Variants in SLIT3 observed in about 807,000 individuals in gnomAD.
The protein encoded by SLIT3 is slit homolog 3 protein.
A neutral mutation model predicts 184.0 loss-of-function variants in SLIT3; 68 were observed. The ratio of observed to expected loss-of-function variants is 0.37; its 90% CI spans 0.30 to 0.45. The LOEUF (loss-of-function observed/expected upper bound fraction) is 0.45, where lower values mean the gene tolerates loss of function less well. Ranked by LOEUF, SLIT3 falls within the 20% of genes least tolerant of loss-of-function variation. SLIT3 has a pLI of 1.00. For missense variants in SLIT3, 1,707 were observed against 2,026.0 expected (o/e 0.84, Z 3.02); for synonymous variants, 831 against 828.6 (o/e 1.00, Z -0.05).
chr5:169,122,153 C>T (rs1044880608), intron 4 of SLIT3, among the ~76,000 whole-genome samples: 4 of 152,134 alleles, frequency 2.6e-5, no homozygotes, highest in Admixed American at 6.5e-5. Flanking sequence ...TTAGGTGTCT[C>T]CAGAAAGAGG....
At chr5:169,175,253 C>T (rs985778999) in intron 4 of SLIT3, among the ~76,000 whole-genome samples, 2 of 152,192 alleles carry the variant, frequency 1.3e-5, no homozygotes, top group Non-Finnish European at 2.9e-5. Context: ...CTGGCTGTTG[C>T]TATATCCATT....
At chr5:168,671,517 A>C (rs769955024) in intron 33 of SLIT3, 34 bp from the exon 34 acceptor site, 12 of 1,577,542 alleles carry the variant, frequency 7.6e-6, no homozygotes, top group Middle Eastern at 1.8e-4. Context: ...TGGCCTGAAG[A>C]CCCTCCCCTG....
intron 6 of SLIT3, among the ~76,000 whole-genome samples, chr5:168,836,617 C>G (rs988270821): frequency 6.6e-6 from 1 of 152,148 alleles, no homozygotes; most frequent in African/African-American, 2.4e-5. Flanking sequence ...GCTCCCAAAC[C>G]AAGTTTGTCA....
At chr5:168,800,675 G>A (rs1307466587) in intron 9 of SLIT3, among the ~76,000 whole-genome samples, 1 of 152,230 alleles carries the variant, frequency 6.6e-6, no homozygotes, top group East Asian at 1.9e-4. Flanking sequence ...GATGAGGAAT[G>A]TAGGCATATC....
intron 14 of SLIT3, chr5:168,768,286 G>T: frequency 2.1e-6 from 1 of 481,996 alleles, no homozygotes; most frequent in South Asian, 1.5e-5. Context: ...GCGTCAGAGA[G>T]AGGACAGGAG....
At chr5:169,177,943 C>T (rs1230702433) in intron 4 of SLIT3, among the ~76,000 whole-genome samples, 1 of 152,156 alleles carries the variant, frequency 6.6e-6, no homozygotes, top group Non-Finnish European at 1.5e-5. Flanking sequence ...TCTGTTGGTT[C>T]TTTCCTTGGA....
chr5:169,243,782 G>A (rs1765483966), intron 3 of SLIT3, among the ~76,000 whole-genome samples: 1 of 152,200 alleles, frequency 6.6e-6, no homozygotes, highest in South Asian at 2.1e-4. Flanking sequence ...GCAGAGCCGT[G>A]AGCTGTTGCA....
At position 169,077,138 on chromosome 5, in the gene SLIT3, G is replaced by A. The variant is rs1758775942; in HGVS notation, c.413+116341C>T. Among the ~76,000 whole-genome samples, 5 of 152,160 alleles carry A rather than the reference G, an allele frequency of 3.3e-5. No individual in the cohort carries two copies. In the South Asian group the frequency reaches 1.0e-3, roughly 32 times the overall value. ...GCCTACTCCATGTGAGGAGGACAAGGATGAAGACCTTTATGGTGATCCATT... is the reference window on the plus strand; with the variant it reads ...GCCTACTCCATGTGAGGAGGACAAGAATGAAGACCTTTATGGTGATCCATT... On this transcript the variant is annotated intron_variant, in intron 4 of 35. Transcript: ENST00000519560.
At chr5:169,037,378 A>T (rs747677027) in intron 4 of SLIT3, among the ~76,000 whole-genome samples, 5 of 152,212 alleles carry the variant, frequency 3.3e-5, no homozygotes, top group South Asian at 2.1e-4. Flanking sequence ...TACCCTAAGC[A>T]GCACAGGCTC....
intron 3 of SLIT3, among the ~76,000 whole-genome samples, chr5:169,229,483 T>C (rs138178085): frequency 9.0e-4 from 137 of 152,328 alleles, no homozygotes; most frequent in Non-Finnish European, 1.5e-3. Context: ...GACTATTAAG[T>C]TCATTTTTCA....
At chr5:169,244,201 C>T (rs1052166873) in intron 3 of SLIT3, among the ~76,000 whole-genome samples, 83 of 152,232 alleles carry the variant, frequency 5.5e-4, no homozygotes, top group Non-Finnish European at 3.4e-4. Flanking sequence ...CTGATGCTCA[C>T]TCACAGGAGA....
At chr5:168,743,958 A>G (rs191651664) in intron 20 of SLIT3, among the ~76,000 whole-genome samples, 21 of 152,310 alleles carry the variant, frequency 1.4e-4, no homozygotes, top group African/African-American at 4.8e-4. Context: ...CTGCAGAAGA[A>G]AAGTTTGAAG....
At chr5:169,117,307 G>C (rs931756627) in intron 4 of SLIT3, among the ~76,000 whole-genome samples, 1 of 152,188 alleles carries the variant, frequency 6.6e-6, no homozygotes, top group East Asian at 1.9e-4. Flanking sequence ...AGCTGGAAGA[G>C]CCAAACTGGA....
At chr5:169,062,621 A>T (rs2113099251) in intron 4 of SLIT3, among the ~76,000 whole-genome samples, 1 of 152,246 alleles carries the variant, frequency 6.6e-6, no homozygotes, top group African/African-American at 2.4e-5. Context: ...ATCCTATTGC[A>T]TTGTCTTCCT....
chr5:169,209,565 C>A (rs1313215346), intron 3 of SLIT3, among the ~76,000 whole-genome samples: 1 of 152,114 alleles, frequency 6.6e-6, no homozygotes, highest in Non-Finnish European at 1.5e-5. Context: ...CAATGGTACA[C>A]TGGATAAAGA....
chr5:169,274,696 G>C (rs1766742164), intron 1 of SLIT3, among the ~76,000 whole-genome samples: 1 of 152,236 alleles, frequency 6.6e-6, no homozygotes, highest in African/African-American at 2.4e-5. Flanking sequence ...CCAAGACTGA[G>C]TGGTGAGAAA....
intron 4 of SLIT3, among the ~76,000 whole-genome samples, chr5:169,161,981 C>T (rs770391763): frequency 3.3e-4 from 50 of 152,130 alleles, no homozygotes; most frequent in Non-Finnish European, 1.6e-4. Context: ...GGTGCCAACA[C>T]GTGTTTAGCA....
At chr5:168,995,403 A>G (rs930379834) in intron 4 of SLIT3, 2 of 152,220 alleles carry the variant, frequency 1.3e-5, no homozygotes, top group Non-Finnish European at 2.9e-5. Flanking sequence ...ATTTTAATAA[A>G]CGATTACATT....
intron 14 of SLIT3, among the ~76,000 whole-genome samples, chr5:168,769,714 C>T (rs1012947481): frequency 4.6e-5 from 7 of 152,190 alleles, no homozygotes; most frequent in Non-Finnish European, 8.8e-5. Flanking sequence ...CAAACCGCCA[C>T]CCTCACCAAG....
Sources: gnomAD v4.1 joint callset for allele counts (sites outside exome capture counted in the v4.1 genomes callset) on GRCh38, gnomAD v4.1.1 for gene constraint, MANE v1.5 for transcripts, NCBI Gene and HGNC (gene_info 2026-07-23, HGNC 2026-07-21) for gene names.